Variants in PALLD observed in about 807,000 individuals in gnomAD.
PALLD encodes palladin, cytoskeletal associated protein, also known as palladin.
PALLD carries 61 observed loss-of-function variants against 123.5 expected under a neutral mutation model. The ratio of observed to expected loss-of-function variants is 0.49; its 90% CI spans 0.40 to 0.61. PALLD has a LOEUF of 0.61. Among genes scored for constraint, PALLD ranks in the 20% least tolerant of loss-of-function variants. The probability of loss-of-function intolerance (pLI) is 0.00; values close to 1 mark genes in which losing one functional copy is unlikely to be tolerated. For synonymous variants in PALLD, 465 were observed against 496.4 expected, an observed-to-expected ratio of 0.94 and a Z score of 0.84; for missense variants, 1,273 against 1,377.0, an observed-to-expected ratio of 0.92 and a Z score of 1.20.
intron 10 of PALLD, among the ~76,000 whole-genome samples, chr4:168,868,666 C>T (rs1750667905): frequency 6.6e-6 from 1 of 152,228 alleles, no homozygotes; most frequent in Non-Finnish European, 1.5e-5. Flanking sequence ...AGCCTCAACA[C>T]AGGCACTCAA....
intron 10 of PALLD, among the ~76,000 whole-genome samples, chr4:168,859,979 G>C (rs1337696130): frequency 6.6e-6 from 1 of 152,110 alleles, no homozygotes; most frequent in African/African-American, 2.4e-5. Flanking sequence ...TAAATCTGCT[G>C]TGTACTTGAC....
intron 15 of PALLD, among the ~76,000 whole-genome samples, chr4:168,904,877 AG>A (rs1757300659): frequency 6.6e-6 from 1 of 152,122 alleles, no homozygotes; most frequent in Non-Finnish European, 1.5e-5. Flanking sequence ...CTGTAGTCCC[AG>A]CACTTTGGGA....
chr4:168,857,031 T>C (rs984458944), intron 10 of PALLD, among the ~76,000 whole-genome samples: 37 of 152,234 alleles, frequency 2.4e-4, no homozygotes, highest in African/African-American at 8.0e-4. Flanking sequence ...TTAGAAAAGT[T>C]CAGAAATGAA....
intron 2 of PALLD, among the ~76,000 whole-genome samples, chr4:168,637,289 C>G (rs1382334941): frequency 6.6e-6 from 1 of 152,060 alleles, no homozygotes; most frequent in Non-Finnish European, 1.5e-5. Flanking sequence ...CTTCCCTTCT[C>G]TCTCAGCACA....
At chr4:168,535,960 TAAAG>T (rs1402607859) in intron 2 of PALLD, among the ~76,000 whole-genome samples, 1 of 152,166 alleles carries the variant, frequency 6.6e-6, no homozygotes, top group Non-Finnish European at 1.5e-5. Context: ...CAAGAACACT[TAAAG>T]AACTCTCAGT....
chr4:168,610,859 G>A (rs1046434123), intron 2 of PALLD, among the ~76,000 whole-genome samples: 1 of 152,292 alleles, frequency 6.6e-6, no homozygotes, highest in Admixed American at 6.5e-5. Flanking sequence ...TTCCCTATCT[G>A]TAGAGATAGG....
At chr4:168,919,193 A>G (rs539722839) in intron 17 of PALLD, among the ~76,000 whole-genome samples, 4 of 152,302 alleles carry the variant, frequency 2.6e-5, no homozygotes, top group African/African-American at 7.2e-5. Context: ...TAAACTGCCT[A>G]TTGATTTCAC....
At chr4:168,886,242 A>T (rs1285133959) in intron 10 of PALLD, among the ~76,000 whole-genome samples, 1 of 152,164 alleles carries the variant, frequency 6.6e-6, no homozygotes, top group Non-Finnish European at 1.5e-5. Context: ...CTTAGAAACC[A>T]ACTCTTTTTT....
chr4:168,673,665 G>A (rs958371645), intron 3 of PALLD, among the ~76,000 whole-genome samples: 1 of 152,222 alleles, frequency 6.6e-6, no homozygotes, highest in African/African-American at 2.4e-5. Flanking sequence ...AGGAGGATAT[G>A]GCGGAGATGA....
At chr4:168,522,851 C>T (rs112697603) in intron 2 of PALLD, among the ~76,000 whole-genome samples, 93 of 152,254 alleles carry the variant, frequency 6.1e-4, no homozygotes, top group Middle Eastern at 3.4e-3. Context: ...GACTAAACTG[C>T]TGGTCTCCTG....
chr4:168,905,444 G>A (rs984119452), intron 15 of PALLD, among the ~76,000 whole-genome samples: 4 of 151,652 alleles, frequency 2.6e-5, no homozygotes, highest in African/African-American at 9.7e-5. Flanking sequence ...CACTGCACCC[G>A]GCCTGAGACT....
At chr4:168,902,839 A>G (rs1352163210) in intron 14 of PALLD, among the ~76,000 whole-genome samples, 2 of 152,168 alleles carry the variant, frequency 1.3e-5, no homozygotes, top group African/African-American at 2.4e-5. Context: ...TGGCATGATC[A>G]TGGCTCACTA....
intron 10 of PALLD, among the ~76,000 whole-genome samples, chr4:168,804,327 T>G (rs987420482): frequency 6.6e-6 from 1 of 152,240 alleles, no homozygotes; most frequent in Non-Finnish European, 1.5e-5. Flanking sequence ...AACCAGCTGC[T>G]TTTTCACCTA....
intron 10 of PALLD, chr4:168,863,767 TCCACA>T (rs1323858326): frequency 6.6e-6 from 1 of 152,214 alleles, no homozygotes; most frequent in African/African-American, 2.4e-5. Context: ...TCAACAAATG[TCCACA>T]CCAAAGAAAA....
chr4:168,531,933 T>G (rs1764645886), intron 2 of PALLD, among the ~76,000 whole-genome samples: 1 of 152,172 alleles, frequency 6.6e-6, no homozygotes, highest in Non-Finnish European at 1.5e-5. Flanking sequence ...TCTCTCATTT[T>G]ATTTCTTTTT....
chr4:168,658,029 T>C (rs1284250932), intron 2 of PALLD, among the ~76,000 whole-genome samples: 1 of 152,158 alleles, frequency 6.6e-6, no homozygotes, highest in Non-Finnish European at 1.5e-5. Context: ...CTAAACCCAC[T>C]CCTTGTGTGT....
chr4:168,619,601 CTG>C (rs1411770397), intron 2 of PALLD, among the ~76,000 whole-genome samples: 1 of 152,176 alleles, frequency 6.6e-6, no homozygotes, highest in Non-Finnish European at 1.5e-5. Flanking sequence ...TGGAGATCAA[CTG>C]TTTCTTATAC....
At chr4:168,815,684 G>A (rs1741795582) in intron 10 of PALLD, among the ~76,000 whole-genome samples, 1 of 152,212 alleles carries the variant, frequency 6.6e-6, no homozygotes, top group Non-Finnish European at 1.5e-5. Flanking sequence ...GTTGGTTGGA[G>A]CGGATAGCCC....
intron 10 of PALLD, among the ~76,000 whole-genome samples, chr4:168,803,625 G>T (rs766336256): frequency 6.6e-6 from 1 of 150,386 alleles, no homozygotes; most frequent in African/African-American, 2.5e-5. Flanking sequence ...TTCTGAGGCT[G>T]CAGTGAGCTA....
Sources: gnomAD v4.1 joint callset for allele counts (sites outside exome capture counted in the v4.1 genomes callset) on GRCh38, gnomAD v4.1.1 for gene constraint, MANE v1.5 for transcripts, NCBI Gene and HGNC (gene_info 2026-07-23, HGNC 2026-07-21) for gene names.